Variants in GATM observed in about 807,000 individuals in gnomAD.
The protein encoded by GATM is glycine amidinotransferase, also known as glycine amidinotransferase, mitochondrial.
GATM carries 23 observed loss-of-function variants against 54.2 expected under a neutral mutation model. That is an observed-to-expected ratio of 0.42 (90% CI 0.31 to 0.60). The LOEUF is 0.60. Ranked by LOEUF, GATM falls within the 20% of genes least tolerant of loss-of-function variation. The pLI is 0.14. For synonymous variants in GATM, 168 were observed against 183.1 expected (o/e 0.92, Z 0.67); for missense variants, 401 against 544.9 (o/e 0.74, Z 2.63).
intron 3 of GATM, among the ~76,000 whole-genome samples, chr15:45,395,001 G>A (rs1889912288): frequency 6.6e-6 from 1 of 152,168 alleles, no homozygotes; most frequent in Non-Finnish European, 1.5e-5. Flanking sequence ...TTGTCCATCA[G>A]TGAGAAATAA....
At chr15:45,385,003 CCTTT>C (rs2140669607) in intron 3 of GATM, among the ~76,000 whole-genome samples, 1 of 152,288 alleles carries the variant, frequency 6.6e-6, no homozygotes, top group Non-Finnish European at 1.5e-5. Flanking sequence ...CCAACCTTTC[CCTTT>C]CTTAACCCAA....
intron 4 of GATM, 108 bp downstream of exon 4, chr15:45,367,962 G>T: frequency 1.2e-6 from 1 of 866,310 alleles, no homozygotes; most frequent in Non-Finnish European, 1.8e-6. Flanking sequence ...TGATGTTTTC[G>T]GTTTCTAAAA....
At chr15:45,389,520 T>A (rs1391168975) in intron 3 of GATM, among the ~76,000 whole-genome samples, 3 of 152,208 alleles carry the variant, frequency 2.0e-5, no homozygotes, top group Non-Finnish European at 4.4e-5. Flanking sequence ...CTGGGCTCAC[T>A]GCAAGCTCCA....
At chr15:45,372,984 T>C (rs1889567195) in intron 2 of GATM, among the ~76,000 whole-genome samples, 1 of 152,254 alleles carries the variant, frequency 6.6e-6, no homozygotes, top group Non-Finnish European at 1.5e-5. Flanking sequence ...CAAAGGTATG[T>C]CTGCATTCCT....
chr15:45,369,412 A>G lies in GATM; in HGVS notation c.398T>C (p.Ile133Thr). 6.2e-7 allele frequency: 1 copy of G among 1,614,200 alleles called. No homozygotes were observed. Among genetic ancestry groups the G allele is most frequent in the Non-Finnish European group, 8.5e-7 (1 of 1,180,010 alleles). ...TACTGTCACTCCTTCCGTTTTTAAA[A>G]TATTGCACATTTCTTCAATTTCAGC... Reference protein sequence around the residue: ...AVAEIEEMCNILKTEGVTVRR... With the variant: ...AVAEIEEMCNTLKTEGVTVRR... Residue 133 changes from isoleucine (I) to threonine (T), a missense_variant, in exon 3 of 9, where the codon ATT becomes ACT. By Grantham distance (89) the Ile-to-Thr change is moderately conservative (BLOSUM62 -1). This residue lies in a region of GATM where 321 missense variants were observed against 457.5 expected (regional missense o/e 0.70). Coordinates refer to ENST00000396659, the MANE Select transcript of GATM (RefSeq NM_001482.3).
intron 2 of GATM, among the ~76,000 whole-genome samples, chr15:45,370,174 A>G (rs1156642125): frequency 6.6e-6 from 1 of 152,034 alleles, no homozygotes; most frequent in Admixed American, 6.6e-5. Context: ...TCAGGAGTTC[A>G]AGACCAGCCT....
intron 3 of GATM, among the ~76,000 whole-genome samples, chr15:45,383,764 G>A (rs1453440791): frequency 2.0e-5 from 3 of 152,018 alleles, no homozygotes; most frequent in East Asian, 1.9e-4. Flanking sequence ...GGCTGGTCTC[G>A]AACTCCTGAC....
chr15:45,400,306 A>AG (rs1274323218), intron 1 of GATM, among the ~76,000 whole-genome samples: 1 of 152,262 alleles, frequency 6.6e-6, no homozygotes, highest in Non-Finnish European at 1.5e-5. Flanking sequence ...ATGGATGTTC[A>AG]GATGGCTGAA....
At chr15:45,394,245 G>A (rs965247759) in intron 3 of GATM, among the ~76,000 whole-genome samples, 2 of 152,166 alleles carry the variant, frequency 1.3e-5, no homozygotes, top group African/African-American at 4.8e-5. Flanking sequence ...CTGTGAACTG[G>A]CATGCAGAGG....
At position 45,384,227 on chromosome 15, in the gene GATM, G is replaced by T. The variant is rs74009634; in HGVS notation, c.-318-7408C>A. 5.2e-3 allele frequency among the ~76,000 whole-genome samples: 790 copies of T among 152,252 alleles called. 17 individuals carry two copies. The highest frequency in any genetic ancestry group is 0.018 in the African/African-American group (757 of 41,550). ...ACTCCTGTAAGCTGCATATTGTGTC[G>T]CATGCTGCCATCTTGATATTTCAAG... On this transcript the variant is annotated intron_variant, in intron 3 of 4. Transcript: ENST00000561148.
chr15:45,390,828 A>G (rs1013085205), intron 3 of GATM, among the ~76,000 whole-genome samples: 4 of 152,194 alleles, frequency 2.6e-5, no homozygotes, highest in African/African-American at 4.8e-5. Context: ...TCTTTCAACT[A>G]TGAGAAGTCT....
rs762437312 is a variant in GATM, at chr15:45,368,055, T to C, written c.675+15A>G. 2 of 1,612,170 alleles carry C rather than the reference T, an allele frequency of 1.2e-6. No individual in the cohort carries two copies. Among genetic ancestry groups the C allele is most frequent in the East Asian group, 2.2e-5 (1 of 44,876 alleles). Reference sequence around the variant, plus strand: ...GAAAAGTTAGTAATAAGCTAGCCTATAATTAGGGACTCACCTGGTTATAAA... The same window carrying C: ...GAAAAGTTAGTAATAAGCTAGCCTACAATTAGGGACTCACCTGGTTATAAA... On this transcript the variant is annotated intron_variant, in intron 4 of 8. Coordinates refer to ENST00000396659, the MANE Select transcript of GATM (RefSeq NM_001482.3). The surrounding 1 kb of genome is among the most constrained non-coding windows in gnomAD (Gnocchi z 5.1).
At chr15:45,397,877 A>G (rs1459685448) in intron 2 of GATM, among the ~76,000 whole-genome samples, 1 of 152,086 alleles carries the variant, frequency 6.6e-6, no homozygotes, top group Non-Finnish European at 1.5e-5. Context: ...GAATTAGAGG[A>G]CACCCAGGTG....
intron 1 of GATM, among the ~76,000 whole-genome samples, chr15:45,401,140 A>C (rs1442692345): frequency 6.6e-6 from 1 of 152,202 alleles, no homozygotes; most frequent in African/African-American, 2.4e-5. Context: ...GAATCGATTT[A>C]AGCAGACAAG....
intron 2 of GATM, among the ~76,000 whole-genome samples, chr15:45,373,968 G>A (rs949874820): frequency 1.3e-5 from 2 of 152,218 alleles, no homozygotes; most frequent in African/African-American, 2.4e-5. Context: ...CTATTACACC[G>A]ACAAAGTACC....
upstream of GATM, chr15:45,379,434 G>A (rs1889703325): frequency 6.6e-6 from 1 of 151,968 alleles, no homozygotes; most frequent in Admixed American, 6.6e-5. Flanking sequence ...TTTCAATTTT[G>A]GTATCTCAAG....
At position 45,366,539 on chromosome 15, in the gene GATM, G is replaced by A. The variant is rs772339429; in HGVS notation, c.676-31C>T. On this transcript the variant is annotated intron_variant, in intron 4 of 8. Coordinates refer to ENST00000396659, the MANE Select transcript of GATM (RefSeq NM_001482.3). The stretch of plus-strand genomic sequence containing the variant: ...TGGAACAAGAATGAACACACACAAT[G>A]CACTGGATCATGAGAAAATTATTCA... 3.1e-6 allele frequency: 5 copies of A among 1,612,382 alleles called. No homozygotes were observed. In the East Asian group the frequency reaches 8.9e-5, roughly 29 times the overall value.
intron 6 of GATM, 68 bp from the exon 7 acceptor site, chr15:45,364,928 ATAGCCCTTATCAG>A: frequency 2.4e-6 from 3 of 1,243,858 alleles, no homozygotes; most frequent in Non-Finnish European, 3.5e-6. Context: ...TTAGTCTCTA[ATAGCCCTTATCAG>A]TAATAATTCT....
chr15:45,389,350 C>A (rs1889841905), intron 3 of GATM, among the ~76,000 whole-genome samples: 1 of 152,212 alleles, frequency 6.6e-6, no homozygotes, highest in Non-Finnish European at 1.5e-5. Context: ...AAGGTTTCTT[C>A]CAATCCAAGT....
Sources: allele counts gnomAD v4.1 joint callset (sites outside exome capture counted in the v4.1 genomes callset), GRCh38; gene constraint gnomAD v4.1.1; regional missense constraint gnomAD v4.1.1; non-coding constraint Gnocchi (gnomAD v3.1); transcripts MANE v1.5; gene names NCBI Gene and HGNC (gene_info 2026-07-23, HGNC 2026-07-21).